Variants in UNC80 observed in about 807,000 individuals in gnomAD.
UNC80 encodes unc-80 subunit of NALCN channel complex, also known as protein unc-80 homolog.
Under a neutral mutation model 384.6 loss-of-function variants are expected in UNC80, and 164 were observed. The observed-to-expected ratio is 0.43, with a 90% confidence interval of 0.38 to 0.49. The LOEUF (loss-of-function observed/expected upper bound fraction) is 0.49, where lower values mean the gene tolerates loss of function less well. UNC80 is among the 20% of genes least tolerant of loss of function. UNC80 has a pLI of 0.00. For synonymous variants in UNC80, 1,486 were observed against 1,527.8 expected (o/e 0.97, Z 0.64); for missense variants, 3,330 against 4,143.0 (o/e 0.80, Z 5.39).
Position 209,815,383 on chromosome 2 carries a change from T to C in UNC80, c.1327T>C (p.Phe443Leu), listed in dbSNP as rs1436707175. Residue 443 changes from phenylalanine (F) to leucine (L), a missense_variant, in exon 9 of 65, where the codon TTT (phenylalanine) becomes CTT (leucine). Transcript: ENST00000673920. Reference protein sequence around the residue: ...DLSSDLGMNIFKKFKSRKEDR... With the variant: ...DLSSDLGMNILKKFKSRKEDR... ...TTCTTCAGACCTGGGCATGAATATT[T>C]TTAAAAAGGTGAGTAGAAATGCTTA... The C allele has an allele frequency of 6.4e-7, 1 of 1,550,848 alleles. No homozygotes were observed. The highest frequency in any genetic ancestry group is 8.7e-7 in the Non-Finnish European group (1 of 1,146,760).
At position 209,931,035 on chromosome 2, in the gene UNC80, A is replaced by G; in HGVS notation, c.5975A>G (p.His1992Arg). The change falls in exon 38 of 65, where the codon CAC (histidine) becomes CGC (arginine). Residue 1992 changes from histidine to arginine, a missense_variant. Coordinates refer to ENST00000673920, the MANE Select transcript of UNC80 (RefSeq NM_001371986.1). The part of the protein sequence containing the change: ...NIGDFPAQTS[H>R]ILFNYLVGLI... ...GGAGACTTTCCTGCTCAGACATCTC[A>G]CATCCTATTCAACTATTTGGTGAGT... is the stretch of plus-strand genomic sequence containing the variant. 1 of 1,549,990 alleles carries G rather than the reference A, an allele frequency of 6.5e-7. No individual in the cohort carries two copies. Among genetic ancestry groups the G allele is most frequent in the Non-Finnish European group, 8.7e-7 (1 of 1,145,798 alleles).
At chr2:209,816,790 TG>T in intron 9 of UNC80, 118 bp from the exon 10 acceptor site, 1 of 865,890 alleles carries the variant, frequency 1.2e-6, no homozygotes, top group Non-Finnish European at 1.8e-6. Flanking sequence ...AGTGACTTTC[TG>T]GGTCTTCTCT....
intron 44 of UNC80, among the ~76,000 whole-genome samples, chr2:209,942,661 C>T (rs563539269): frequency 1.3e-5 from 2 of 152,076 alleles, no homozygotes; most frequent in East Asian, 1.9e-4. Context: ...ACAGGACTCT[C>T]TTCCTCATTT....
intron 35 of UNC80, among the ~76,000 whole-genome samples, chr2:209,924,744 G>A (rs1046825069): frequency 1.3e-5 from 2 of 150,910 alleles, no homozygotes; most frequent in Non-Finnish European, 2.9e-5. Context: ...GAGCACCTCA[G>A]ACAGCTACAA....
chr2:209,828,661 G>A (rs968708499), intron 14 of UNC80, among the ~76,000 whole-genome samples: 1 of 152,074 alleles, frequency 6.6e-6, no homozygotes, highest in East Asian at 1.9e-4. Context: ...TTCAATGCCT[G>A]TGCCTGGTTG....
chr2:209,816,967 G>A lies in UNC80; in HGVS notation c.1394G>A (p.Gly465Asp). ...GGCTCCATTCCATTCCACCACACAG[G>A]CAAGAGGAGGCCACGGAGAATGGGA... is the stretch of plus-strand genomic sequence containing the variant. Reference protein sequence around the residue: ...RKGSIPFHHTGKRRPRRMGVP... With the variant: ...RKGSIPFHHTDKRRPRRMGVP... The change falls in exon 10 of 65, where the codon GGC (glycine) becomes GAC (aspartate). Residue 465 changes from glycine (G) to aspartate (D), a missense_variant. Gly to Asp is a moderately conservative substitution (Grantham distance 94). Transcript: ENST00000673920. 1 of 1,551,672 alleles carries A rather than the reference G, an allele frequency of 6.4e-7. No homozygotes were observed. The highest frequency in any genetic ancestry group is 8.7e-7 in the Non-Finnish European group (1 of 1,147,006).
intron 29 of UNC80, among the ~76,000 whole-genome samples, chr2:209,912,067 C>T (rs1305253863): frequency 6.6e-6 from 1 of 152,220 alleles, no homozygotes; most frequent in Non-Finnish European, 1.5e-5. Flanking sequence ...AACTTCCTAA[C>T]ACTTCTCTAT....
intron 42 of UNC80, among the ~76,000 whole-genome samples, chr2:209,939,021 G>GT (rs1183502370): frequency 6.6e-6 from 1 of 152,032 alleles, no homozygotes; most frequent in Non-Finnish European, 1.5e-5. Flanking sequence ...CCAAGATAGG[G>GT]TTTTCCTGGA....
intron 23 of UNC80, 65 bp from the exon 24 acceptor site, chr2:209,877,889 T>C (rs2084921711): frequency 7.0e-7 from 1 of 1,432,788 alleles, no homozygotes; most frequent in South Asian, 1.5e-5. Flanking sequence ...TCTGATGTAA[T>C]GTGAGAGCCT....
rs111950373 is a variant in UNC80, at chr2:209,920,567, G to A, written c.5344-933G>A. On this transcript the variant is annotated intron_variant, in intron 33 of 64. Coordinates refer to ENST00000673920, the MANE Select transcript of UNC80 (RefSeq NM_001371986.1). ...TCTATGGAGGAGTGAGTTTTTCTTG[G>A]TATTTTTCCAGTATGCCTTGGCTAC... Among the ~76,000 whole-genome samples the A allele has an allele frequency of 2.8e-3, 419 of 152,234 alleles. 1 individual carries two copies. Among genetic ancestry groups the A allele is most frequent in the African/African-American group, 9.7e-3 (401 of 41,526 alleles).
chr2:209,873,856 G>A (rs990827693), intron 23 of UNC80, among the ~76,000 whole-genome samples: 6 of 152,092 alleles, frequency 3.9e-5, no homozygotes, highest in South Asian at 2.1e-4. Flanking sequence ...TTATTCAAAA[G>A]GCATGAATTG....
At chr2:209,811,884 T>C (rs913959720) in intron 7 of UNC80, among the ~76,000 whole-genome samples, 3 of 152,314 alleles carry the variant, frequency 2.0e-5, no homozygotes, top group African/African-American at 7.2e-5. Flanking sequence ...TAAAAATAAT[T>C]TGCAGGGCAC....
chr2:209,906,741 G>C (rs979852758), intron 29 of UNC80, among the ~76,000 whole-genome samples: 2 of 151,938 alleles, frequency 1.3e-5, no homozygotes, highest in Non-Finnish European at 2.9e-5. Context: ...AAGTAAATAC[G>C]TTTGTGTGTG....
intron 7 of UNC80, 141 bp downstream of exon 7, chr2:209,794,000 A>G: frequency 9.8e-7 from 1 of 1,019,782 alleles, no homozygotes; most frequent in East Asian, 2.6e-5. Flanking sequence ...GTCAAAGTAT[A>G]ATTAATAATT....
At chr2:209,981,932 AATTTACATTT>A (rs1317954023) in intron 59 of UNC80, among the ~76,000 whole-genome samples, 2 of 152,210 alleles carry the variant, frequency 1.3e-5, no homozygotes, top group African/African-American at 4.8e-5. Flanking sequence ...TACTTGTAAA[AATTTACATTT>A]ATTTCATGAA....
chr2:209,842,670 C>T (rs1005159816), intron 21 of UNC80, among the ~76,000 whole-genome samples: 1 of 152,178 alleles, frequency 6.6e-6, no homozygotes, highest in Non-Finnish European at 1.5e-5. Flanking sequence ...ACTGGGTTTT[C>T]AAAGAGTAAG....
intron 59 of UNC80, 94 bp from the exon 60 acceptor site, chr2:209,982,085 A>G (rs1269648994): frequency 2.3e-6 from 3 of 1,323,158 alleles, no homozygotes; most frequent in Non-Finnish European, 1.0e-6. Flanking sequence ...TAAGTTGTAC[A>G]CAAGCCAAGG....
chr2:209,792,975 T>G (rs2077919476), intron 6 of UNC80, among the ~76,000 whole-genome samples: 1 of 152,240 alleles, frequency 6.6e-6, no homozygotes, highest in South Asian at 2.1e-4. Context: ...TCATGAAATT[T>G]CTAGCTGTAT....
chr2:209,924,832 G>A (rs994954717), intron 35 of UNC80, among the ~76,000 whole-genome samples: 1 of 150,250 alleles, frequency 6.7e-6, no homozygotes. Flanking sequence ...TAAGCTTTAA[G>A]TCAAGCTAAA....
Sources: gnomAD v4.1 joint callset for allele counts (sites outside exome capture counted in the v4.1 genomes callset) on GRCh38, gnomAD v4.1.1 for gene constraint, MANE v1.5 for transcripts, NCBI Gene and HGNC (gene_info 2026-07-23, HGNC 2026-07-21) for gene names.